The following RORA variants were observed in gnomAD, a reference collection of about 807,000 sequenced individuals.
The protein encoded by RORA is RAR related orphan receptor A.
A neutral mutation model predicts 69.5 loss-of-function variants in RORA; 7 were observed. That is an observed-to-expected ratio of 0.10 (90% confidence interval 0.06 to 0.19). The LOEUF (loss-of-function observed/expected upper bound fraction) is 0.19, where lower values mean the gene tolerates loss of function less well. Ranked by LOEUF, RORA falls within the 10% of genes least tolerant of loss-of-function variation. RORA has a pLI of 1.00. For synonymous variants in RORA, 261 were observed against 240.8 expected (o/e 1.08, Z -0.78); for missense variants, 457 against 663.0 (o/e 0.69, Z 3.41).
At chr15:60,680,081 C>T (rs1266697244) in intron 1 of RORA, among the ~76,000 whole-genome samples, 3 of 152,184 alleles carry the variant, frequency 2.0e-5, no homozygotes, top group Non-Finnish European at 4.4e-5. Flanking sequence ...GGGAAGGGAA[C>T]TTCCCCCAGC....
chr15:60,591,311 C>G (rs1421746631), intron 2 of RORA, among the ~76,000 whole-genome samples: 1 of 152,114 alleles, frequency 6.6e-6, no homozygotes, highest in Admixed American at 6.5e-5. Flanking sequence ...GGGCGGCGGG[C>G]GGCGTGCTGC....
At chr15:61,022,363 G>A (rs1435747568) in intron 1 of RORA, among the ~76,000 whole-genome samples, 6 of 152,098 alleles carry the variant, frequency 3.9e-5, no homozygotes, top group Non-Finnish European at 7.4e-5. Context: ...TGAGTAGAAC[G>A]GGGCACGGCA....
chr15:60,820,339 G>C (rs1343720428), intron 1 of RORA, among the ~76,000 whole-genome samples: 2 of 152,198 alleles, frequency 1.3e-5, no homozygotes, highest in Non-Finnish European at 2.9e-5. Flanking sequence ...AGATTGGACA[G>C]TATCAGGTGT....
intron 1 of RORA, among the ~76,000 whole-genome samples, chr15:60,920,614 C>T (rs1892012762): frequency 1.3e-5 from 2 of 152,130 alleles, no homozygotes; most frequent in Admixed American, 6.5e-5. Flanking sequence ...CAGGGAGAAG[C>T]CTACATACCA....
intron 2 of RORA, among the ~76,000 whole-genome samples, chr15:60,626,449 G>T (rs1006503243): frequency 6.6e-6 from 1 of 152,126 alleles, no homozygotes; most frequent in Non-Finnish European, 1.5e-5. Context: ...GGTGATTCTT[G>T]CAAGAATGCA....
intron 1 of RORA, among the ~76,000 whole-genome samples, chr15:61,085,584 T>C (rs975282326): frequency 6.6e-6 from 1 of 152,210 alleles, no homozygotes; most frequent in Admixed American, 6.5e-5. Flanking sequence ...GTGATGCTGA[T>C]GCTGCAGGTC....
intron 2 of RORA, among the ~76,000 whole-genome samples, chr15:60,570,961 A>G (rs919415010): frequency 6.6e-5 from 10 of 152,156 alleles, no homozygotes; most frequent in African/African-American, 2.4e-4. Flanking sequence ...ACATTACCAT[A>G]TTAATCGGCT....
intron 1 of RORA, among the ~76,000 whole-genome samples, chr15:60,798,987 T>C (rs959835180): frequency 2.0e-5 from 3 of 151,724 alleles, no homozygotes; most frequent in African/African-American, 7.3e-5. Context: ...GTGGGCTGAT[T>C]ATTCATGCTC....
At chr15:60,981,428 C>T (rs1894042570) in intron 1 of RORA, among the ~76,000 whole-genome samples, 1 of 151,994 alleles carries the variant, frequency 6.6e-6, no homozygotes, top group Non-Finnish European at 1.5e-5. Flanking sequence ...CTGAGACGCT[C>T]TTTATGGGTG....
At chr15:61,043,043 G>A (rs1595909993) in intron 1 of RORA, among the ~76,000 whole-genome samples, 1 of 152,314 alleles carries the variant, frequency 6.6e-6, no homozygotes, top group African/African-American at 2.4e-5. Context: ...ACATGGCGAT[G>A]ACAATGGCGA....
intron 1 of RORA, among the ~76,000 whole-genome samples, chr15:61,193,795 G>A (rs4517733): frequency 0.82 from 124,425 of 152,182 alleles, 52,316 homozygotes; most frequent in Non-Finnish European, 0.93. Context: ...AAGGTCACAC[G>A]AATAGTGACA....
intron 2 of RORA, chr15:60,630,744 T>C (rs932016580): frequency 6.6e-6 from 1 of 152,224 alleles, no homozygotes; most frequent in Non-Finnish European, 1.5e-5. Context: ...CCTCTGTACC[T>C]CCTTAGAGAT....
At chr15:60,855,127 C>T (rs1290689847) in intron 1 of RORA, among the ~76,000 whole-genome samples, 1 of 152,156 alleles carries the variant, frequency 6.6e-6, no homozygotes, top group Non-Finnish European at 1.5e-5. Flanking sequence ...GCTTTATTAG[C>T]CCGCATATAA....
chr15:61,110,851 A>T (rs1295288484), intron 1 of RORA, among the ~76,000 whole-genome samples: 1 of 152,176 alleles, frequency 6.6e-6, no homozygotes, highest in African/African-American at 2.4e-5. Flanking sequence ...TCACAACGCA[A>T]TCCTCATACA....
chr15:61,154,979 C>T (rs560547769), intron 1 of RORA, among the ~76,000 whole-genome samples: 13 of 151,802 alleles, frequency 8.6e-5, no homozygotes, highest in South Asian at 6.3e-4. Flanking sequence ...TCCAGATGTT[C>T]GAAGAAAGTT....
intron 2 of RORA, among the ~76,000 whole-genome samples, chr15:60,667,722 C>A (rs2070400229): frequency 6.6e-6 from 1 of 152,086 alleles, no homozygotes; most frequent in Non-Finnish European, 1.5e-5. Flanking sequence ...TGGGCTCAAG[C>A]AATCTTTCCA....
intron 1 of RORA, among the ~76,000 whole-genome samples, chr15:60,703,366 A>T (rs2071014023): frequency 6.6e-6 from 1 of 152,202 alleles, no homozygotes; most frequent in South Asian, 2.1e-4. Context: ...TATAGCACTA[A>T]GATGTGTTAC....
At chr15:61,218,831 A>AT (rs1375502471) in intron 1 of RORA, among the ~76,000 whole-genome samples, 1 of 152,128 alleles carries the variant, frequency 6.6e-6, no homozygotes. Context: ...GTGCAACATG[A>AT]TTTTTAATGG....
intron 1 of RORA, among the ~76,000 whole-genome samples, chr15:60,981,424 C>T (rs145095991): frequency 9.0e-4 from 137 of 152,132 alleles, no homozygotes; most frequent in South Asian, 1.9e-3. Flanking sequence ...TTCTCTGAGA[C>T]GCTCTTTATG....
Sources: allele counts gnomAD v4.1 joint callset (sites outside exome capture counted in the v4.1 genomes callset), GRCh38; gene constraint gnomAD v4.1.1; transcripts MANE v1.5; gene names NCBI Gene and HGNC (gene_info 2026-07-23, HGNC 2026-07-21).